Variants in TMEM117 observed in about 807,000 individuals in gnomAD.
The protein encoded by TMEM117 is transmembrane protein 117.
A neutral mutation model predicts 52.4 loss-of-function variants in TMEM117; 27 were observed. That is an observed-to-expected ratio of 0.51 (90% CI 0.38 to 0.71). TMEM117 has a LOEUF of 0.71. Ranked by LOEUF, TMEM117 falls within the 30% of genes least tolerant of loss-of-function variation. TMEM117 has a pLI of 0.00. For synonymous variants in TMEM117, 215 were observed against 206.3 expected, an observed-to-expected ratio of 1.04 and a Z score of -0.36; for missense variants, 556 against 630.5, an observed-to-expected ratio of 0.88 and a Z score of 1.26.
chr12:43,798,416 T>C, the TMEM117 span: 5 of 666,336 alleles, frequency 7.5e-6, no homozygotes, highest in East Asian at 9.6e-5. Context: ...TTTTTATACT[T>C]GATAAATGAT....
At chr12:44,376,088 C>T (rs75958535) in intron 6 of TMEM117, among the ~76,000 whole-genome samples, 8,566 of 152,192 alleles carry the variant, frequency 0.056, 257 homozygotes, top group African/African-American at 0.076. Context: ...TTTTACATTC[C>T]GGATGGTTGC....
chr12:43,980,694 C>A (rs1049198644), intron 3 of TMEM117, among the ~76,000 whole-genome samples: 1 of 152,050 alleles, frequency 6.6e-6, no homozygotes, highest in Non-Finnish European at 1.5e-5. Context: ...CATGGGGTAC[C>A]ACCTGCCAAG....
intron 4 of TMEM117, among the ~76,000 whole-genome samples, chr12:44,202,254 A>G (rs919873816): frequency 6.6e-6 from 1 of 152,188 alleles, no homozygotes; most frequent in Non-Finnish European, 1.5e-5. Flanking sequence ...AAAGATAATT[A>G]GAACAAAATA....
In TMEM117 at chr12:44,238,043, G is replaced by T. The variant is rs183547520; in HGVS notation, c.608+26656G>T. Among the ~76,000 whole-genome samples the T allele has an allele frequency of 2.1e-3, 322 of 152,272 alleles. 1 individual carries two copies. Among genetic ancestry groups the T allele is most frequent in the Non-Finnish European group, 2.8e-3 (193 of 68,004 alleles). On this transcript the variant is annotated intron_variant, in intron 5 of 7. Transcript: ENST00000266534. ...ATTAATAGAATCATGAGAAAAAAGA[G>T]CCATGAAAGTAATTCTTTCTTACAT... is the stretch of plus-strand genomic sequence containing the variant.
chr12:44,233,632 A>G (rs1340704135), intron 5 of TMEM117, among the ~76,000 whole-genome samples: 1 of 151,408 alleles, frequency 6.6e-6, no homozygotes, highest in Non-Finnish European at 1.5e-5. Context: ...AGCAAAAATC[A>G]TCCAAAATAT....
chr12:44,235,947 T>G (rs1949990454), intron 5 of TMEM117, among the ~76,000 whole-genome samples: 1 of 151,966 alleles, frequency 6.6e-6, no homozygotes. Context: ...TTTCACTCTC[T>G]TCTGGTTTCC....
Position 44,388,402 on chromosome 12 carries a change from G to C in TMEM117, c.1275G>C (p.Glu425Asp). 1.2e-6 allele frequency: 2 copies of C among 1,613,340 alleles called. No homozygotes were observed. The highest frequency in any genetic ancestry group is 1.7e-6 in the Non-Finnish European group (2 of 1,179,666). The change falls in exon 8 of 8, where the codon GAG (glutamate) becomes GAC (aspartate). Residue 425 changes from glutamate to aspartate, a missense_variant. Coordinates refer to ENST00000266534, the MANE Select transcript of TMEM117 (RefSeq NM_032256.3). The stretch of plus-strand genomic sequence containing the variant: ...TTTTGAAAAATGAGCCACGCATGGA[G>C]AATCAAGACAAAACTTACACTCGCA... ...GRFLKNEPRM[E>D]NQDKTYTRMK... is the part of the protein sequence containing the mutation.
chr12:43,838,460 C>G (rs927652481), intron 1 of TMEM117, among the ~76,000 whole-genome samples: 1 of 151,092 alleles, frequency 6.6e-6, no homozygotes, highest in Non-Finnish European at 1.5e-5. Flanking sequence ...TGGTTTTTCA[C>G]CTTTCTTCCA....
intron 6 of TMEM117, among the ~76,000 whole-genome samples, chr12:44,369,184 A>G (rs767105483): frequency 5.9e-5 from 9 of 152,200 alleles, no homozygotes; most frequent in Non-Finnish European, 1.2e-4. Context: ...AAACACTTAT[A>G]AGACTGACTT....
intron 5 of TMEM117, among the ~76,000 whole-genome samples, chr12:44,274,062 A>T (rs577402152): frequency 4.3e-4 from 65 of 152,220 alleles, no homozygotes; most frequent in African/African-American, 1.4e-3. Flanking sequence ...ATTTTGAAAA[A>T]CCTAAAGACT....
intron 3 of TMEM117, among the ~76,000 whole-genome samples, chr12:44,140,595 G>A (rs947962487): frequency 1.3e-5 from 2 of 152,062 alleles, no homozygotes; most frequent in Non-Finnish European, 2.9e-5. Context: ...ATAAAAGTGT[G>A]TAGAGGATAA....
At chr12:44,395,001 T>C in the TMEM117 span, among the ~76,000 whole-genome samples, 1 of 152,236 alleles carries the variant, frequency 6.6e-6, no homozygotes, top group Non-Finnish European at 1.5e-5. Context: ...TACATCATTT[T>C]ATCTGGATAG....
chr12:43,877,926 C>CACAT (rs1555180015), intron 2 of TMEM117, among the ~76,000 whole-genome samples: 1 of 138,314 alleles, frequency 7.2e-6, no homozygotes, highest in African/African-American at 2.6e-5. Flanking sequence ...CACACACACA[C>CACAT]ACAGACAGAA....
the TMEM117 span, among the ~76,000 whole-genome samples, chr12:44,398,052 A>G: frequency 6.6e-6 from 1 of 150,782 alleles, no homozygotes; most frequent in Admixed American, 6.6e-5. Flanking sequence ...TTTCTGAAGG[A>G]CAGAGTAGAG....
chr12:44,245,208 A>G (rs1048826950), intron 5 of TMEM117, among the ~76,000 whole-genome samples: 2 of 151,114 alleles, frequency 1.3e-5, no homozygotes, highest in Non-Finnish European at 2.9e-5. Flanking sequence ...TAGAGTTTTT[A>G]GAGTTTTTTT....
At chr12:43,928,533 C>T (rs1469061233) in intron 2 of TMEM117, among the ~76,000 whole-genome samples, 1 of 152,076 alleles carries the variant, frequency 6.6e-6, no homozygotes, top group African/African-American at 2.4e-5. Flanking sequence ...TTTGTACTTA[C>T]ATAACTATCA....
intron 6 of TMEM117, among the ~76,000 whole-genome samples, chr12:44,334,159 T>C (rs779009973): frequency 2.0e-5 from 3 of 152,112 alleles, no homozygotes; most frequent in Non-Finnish European, 2.9e-5. Flanking sequence ...TCATGCCTAA[T>C]AAGATTGTAT....
At chr12:44,060,680 T>C (rs949325128) in intron 3 of TMEM117, among the ~76,000 whole-genome samples, 3 of 152,118 alleles carry the variant, frequency 2.0e-5, no homozygotes, top group Non-Finnish European at 4.4e-5. Context: ...TTTAGACATA[T>C]AGAAATTTTA....
At chr12:43,836,341 CG>C (rs1223924685) in intron 1 of TMEM117, 145 bp downstream of exon 1, 2 of 152,444 alleles carry the variant, frequency 1.3e-5, no homozygotes, top group Non-Finnish European at 2.9e-5. Flanking sequence ...AACCCCGGCC[CG>C]GCCCCCGAAT....
Sources: gnomAD v4.1 joint callset for allele counts (sites outside exome capture counted in the v4.1 genomes callset) on GRCh38, gnomAD v4.1.1 for gene constraint, MANE v1.5 for transcripts, NCBI Gene and HGNC (gene_info 2026-07-23, HGNC 2026-07-21) for gene names.